CNTNAP2: variants seen among roughly 807,000 people sequenced by gnomAD.
CNTNAP2 encodes the protein contactin-associated protein-like 2.
In CNTNAP2, 98 loss-of-function variants were observed where a neutral mutation model predicts 155.2. The ratio of observed to expected loss-of-function variants is 0.63; its 90% CI spans 0.54 to 0.75. The LOEUF (loss-of-function observed/expected upper bound fraction) is 0.75, where lower values mean the gene tolerates loss of function less well. Ranked by LOEUF, CNTNAP2 falls within the 30% of genes least tolerant of loss-of-function variation. The pLI, the probability that CNTNAP2 is intolerant of heterozygous loss-of-function variation, is 0.00. For missense variants in CNTNAP2, 1,727 were observed against 1,688.1 expected (o/e 1.02, Z -0.40); for synonymous variants, 651 against 631.2 (o/e 1.03, Z -0.47).
chr7:147,314,769 A>G (rs1402678566), intron 9 of CNTNAP2, among the ~76,000 whole-genome samples: 1 of 151,338 alleles, frequency 6.6e-6, no homozygotes, highest in African/African-American at 2.4e-5. Flanking sequence ...AAAATAAAAG[A>G]ATATTTGAAG....
At chr7:148,307,701 C>T (rs201755990) in intron 21 of CNTNAP2, among the ~76,000 whole-genome samples, 13 of 152,124 alleles carry the variant, frequency 8.5e-5, no homozygotes, top group Admixed American at 4.6e-4. Flanking sequence ...GGCATGGTAG[C>T]GCATGCCGGT....
At chr7:146,457,725 G>T (rs981567875) in intron 1 of CNTNAP2, among the ~76,000 whole-genome samples, 2 of 150,958 alleles carry the variant, frequency 1.3e-5, no homozygotes, top group Non-Finnish European at 2.9e-5. Context: ...GGATGGTCTC[G>T]ATCTCCTGAC....
chr7:146,706,029 G>A (rs954729985), intron 1 of CNTNAP2, among the ~76,000 whole-genome samples: 4 of 152,138 alleles, frequency 2.6e-5, no homozygotes, highest in African/African-American at 7.2e-5. Flanking sequence ...AAATAACTTT[G>A]TTGTGGTGGA....
At chr7:147,807,964 G>A (rs1798118375) in intron 13 of CNTNAP2, among the ~76,000 whole-genome samples, 1 of 151,544 alleles carries the variant, frequency 6.6e-6, no homozygotes, top group Non-Finnish European at 1.5e-5. Context: ...TCATTCTTTA[G>A]TGATATGTTC....
In CNTNAP2 at chr7:147,611,794, G is replaced by T. The variant is rs564907674; in HGVS notation, c.1898-27312G>T. On this transcript the variant is annotated intron_variant, in intron 12 of 23. Coordinates refer to ENST00000361727, the MANE Select transcript of CNTNAP2 (RefSeq NM_014141.6). ...TAAAGCTGCTGATGCTACCTGAACT[G>T]CATACATAGCTGGCATTATGGAATG... Among the ~76,000 whole-genome samples the T allele has an allele frequency of 2.0e-4, 30 of 152,294 alleles. No homozygotes were observed. The South Asian group carries it at 5.4e-3, about 27-fold the overall frequency.
chr7:146,657,044 C>G (rs1223265434), intron 1 of CNTNAP2, among the ~76,000 whole-genome samples: 1 of 152,094 alleles, frequency 6.6e-6, no homozygotes, highest in African/African-American at 2.4e-5. Context: ...TGAAGACATG[C>G]AATTATCTTT....
chr7:147,021,381 T>C (rs930259316), intron 3 of CNTNAP2, among the ~76,000 whole-genome samples: 1 of 152,154 alleles, frequency 6.6e-6, no homozygotes, highest in Non-Finnish European at 1.5e-5. Context: ...ATAGACATCA[T>C]TATTTCATAG....
At chr7:147,677,230 G>A (rs1046660600) in intron 13 of CNTNAP2, among the ~76,000 whole-genome samples, 5 of 151,746 alleles carry the variant, frequency 3.3e-5, no homozygotes, top group Non-Finnish European at 7.4e-5. Context: ...TCACATTGTA[G>A]TTTTAATTTG....
At chr7:147,670,417 T>C (rs1255121497) in intron 13 of CNTNAP2, among the ~76,000 whole-genome samples, 1 of 152,158 alleles carries the variant, frequency 6.6e-6, no homozygotes, top group Non-Finnish European at 1.5e-5. Context: ...GGGAACACAG[T>C]CCAAAGTGAG....
rs180715633 is a variant in CNTNAP2, at chr7:147,605,917, G to C, written c.1898-33189G>C. ...TCTCTCTCTCTCTTTCTCTCTCTCTGTGTGTGTGTGTGTTTGTGTGTCTCT... is the reference window on the plus strand; with the variant it reads ...TCTCTCTCTCTCTTTCTCTCTCTCTCTGTGTGTGTGTGTTTGTGTGTCTCT... On this transcript the variant is annotated intron_variant, in intron 12 of 23. Coordinates refer to ENST00000361727, the MANE Select transcript of CNTNAP2 (RefSeq NM_014141.6). 3.8e-3 allele frequency among the ~76,000 whole-genome samples: 568 copies of C among 150,556 alleles called. 10 individuals carry two copies. The highest frequency in any genetic ancestry group is 0.028 in the East Asian group (144 of 5,082).
chr7:146,821,085 T>A (rs1024973146), intron 2 of CNTNAP2, among the ~76,000 whole-genome samples: 1 of 152,316 alleles, frequency 6.6e-6, no homozygotes, highest in East Asian at 1.9e-4. Flanking sequence ...GTTTCCTGAA[T>A]ACAGCACACT....
chr7:148,258,136 G>T (rs560239167), intron 20 of CNTNAP2, among the ~76,000 whole-genome samples: 2 of 152,320 alleles, frequency 1.3e-5, no homozygotes, highest in South Asian at 4.1e-4. Context: ...TGTTAGCCAC[G>T]GAGCTCTGAC....
chr7:148,217,652 C>G, intron 19 of CNTNAP2, 128 bp downstream of exon 19: 1 of 996,362 alleles, frequency 1.0e-6, no homozygotes, highest in Middle Eastern at 2.2e-4. Flanking sequence ...AGTCACATAA[C>G]TTCTTTGAAC....
intron 1 of CNTNAP2, among the ~76,000 whole-genome samples, chr7:146,146,026 G>T (rs1329134476): frequency 6.6e-6 from 1 of 152,076 alleles, no homozygotes; most frequent in Non-Finnish European, 1.5e-5. Flanking sequence ...ACCTTTAAAT[G>T]ATATATTTTG....
At chr7:147,354,105 A>C (rs750165171) in intron 9 of CNTNAP2, among the ~76,000 whole-genome samples, 48 of 152,012 alleles carry the variant, frequency 3.2e-4, no homozygotes, top group Non-Finnish European at 6.6e-4. Context: ...CTCTGATGAT[A>C]GTTTCTTTTG....
intron 12 of CNTNAP2, among the ~76,000 whole-genome samples, chr7:147,576,548 T>G (rs929837520): frequency 2.6e-5 from 4 of 152,026 alleles, no homozygotes; most frequent in Non-Finnish European, 4.4e-5. Context: ...GTCCTCTAAT[T>G]TAATGACTGA....
chr7:147,639,270 T>C lies in CNTNAP2; in HGVS notation c.2062T>C (p.Tyr688His). ...SAEYCEQYVS[Y>H]FCKMSRLLNT... ...CGAGTACTGCGAGCAGTATGTCTCC[T>C]ATTTCTGCAAGATGTCAAGATTGTT... Residue 688 changes from tyrosine (Y) to histidine (H), a missense_variant, in exon 13 of 24, where the codon TAT becomes CAT. By Grantham distance (83) the Tyr-to-His change is moderately conservative (BLOSUM62 2). Coordinates refer to ENST00000361727, the MANE Select transcript of CNTNAP2 (RefSeq NM_014141.6). The C allele has an allele frequency of 8.1e-6, 13 of 1,614,142 alleles. No individual in the cohort carries two copies. The highest frequency in any genetic ancestry group is 1.1e-5 in the South Asian group (1 of 91,090).
At chr7:146,913,963 C>T (rs563022732) in intron 3 of CNTNAP2, among the ~76,000 whole-genome samples, 1 of 151,966 alleles carries the variant, frequency 6.6e-6, no homozygotes, top group Admixed American at 6.6e-5. Context: ...GCCTTTGCAT[C>T]CTCACAGCTT....
intron 1 of CNTNAP2, among the ~76,000 whole-genome samples, chr7:146,317,214 A>G (rs1800922243): frequency 1.3e-5 from 2 of 152,222 alleles, no homozygotes; most frequent in South Asian, 4.1e-4. Flanking sequence ...AGTTGACTTT[A>G]TAAGAATCAT....
Sources: gnomAD v4.1 joint callset for allele counts (sites outside exome capture counted in the v4.1 genomes callset) on GRCh38, gnomAD v4.1.1 for gene constraint, MANE v1.5 for transcripts, NCBI Gene and HGNC (gene_info 2026-07-23, HGNC 2026-07-21) for gene names.